The following GANAB variants were observed in gnomAD, a reference collection of about 807,000 sequenced individuals.
GANAB encodes neutral alpha-glucosidase AB.
In GANAB, 35 loss-of-function variants were observed where a neutral mutation model predicts 129.9. The ratio of observed to expected loss-of-function variants is 0.27; its 90% CI spans 0.21 to 0.36. The LOEUF is 0.36. GANAB is among the 10% of genes least tolerant of loss of function. The pLI, the probability that GANAB is intolerant of heterozygous loss-of-function variation, is 1.00. For missense variants in GANAB, 939 were observed against 1,221.0 expected (o/e 0.77, Z 3.44); for synonymous variants, 482 against 451.8 (o/e 1.07, Z -0.85).
At chr11:62,627,541 G>C (rs1056600741) in intron 17 of GANAB, among the ~76,000 whole-genome samples, 188 bp from the exon 18 acceptor site, 1 of 152,100 alleles carries the variant, frequency 6.6e-6, no homozygotes, top group Non-Finnish European at 1.5e-5. Flanking sequence ...AGATCAGCCT[G>C]AACAACATGG....
In GANAB at chr11:62,642,766, CTAA is replaced by C. The variant is rs570798680; in HGVS notation, c.39-3038_39-3036del. 3.0e-3 allele frequency among the ~76,000 whole-genome samples: 452 copies of C among 152,238 alleles called. 1 individual carries two copies. Among genetic ancestry groups the C allele is most frequent in the Non-Finnish European group, 4.6e-3 (316 of 68,008 alleles). Reference sequence around the variant, plus strand: ...TTTTTTTAAAGTTCCCTAAACAACTCTAATGAGCAACCTGGGTTCACAACCACT... The same window carrying C: ...TTTTTTTAAAGTTCCCTAAACAACTCTGAGCAACCTGGGTTCACAACCACT... On this transcript the variant is annotated intron_variant, in intron 1 of 23. Transcript: ENST00000356638.
chr11:62,633,808 G>A (rs1721771137), intron 5 of GANAB: 1 of 507,898 alleles, frequency 2.0e-6, no homozygotes, highest in Non-Finnish European at 3.5e-6. Flanking sequence ...CAGGGGCCTG[G>A]GTTATGAATG....
At chr11:62,640,725 C>T (rs112135367) in intron 1 of GANAB, among the ~76,000 whole-genome samples, 2 of 141,822 alleles carry the variant, frequency 1.4e-5, no homozygotes, top group African/African-American at 5.2e-5. Flanking sequence ...CCCAGCTACT[C>T]GGGAGGCTGA....
intron 9 of GANAB, among the ~76,000 whole-genome samples, chr11:62,631,698 T>A: frequency 6.6e-6 from 1 of 152,022 alleles, no homozygotes; most frequent in East Asian, 1.9e-4. Context: ...CTTGACCTTG[T>A]GATCTGTCCA....
intron 1 of GANAB, among the ~76,000 whole-genome samples, chr11:62,644,387 T>A (rs574585548): frequency 3.5e-4 from 53 of 151,746 alleles, no homozygotes; most frequent in African/African-American, 1.3e-3. Context: ...GTGGCTCACG[T>A]CTATAATCCT....
intron 4 of GANAB, among the ~76,000 whole-genome samples, chr11:62,635,465 C>A (rs1212583302): frequency 6.6e-6 from 1 of 151,846 alleles, no homozygotes; most frequent in African/African-American, 2.4e-5. Flanking sequence ...CAGGCGTGAG[C>A]CACTGTGCCT....
chr11:62,646,421 C>G, intron 1 of GANAB, 141 bp downstream of exon 1: 2 of 966,596 alleles, frequency 2.1e-6, no homozygotes, highest in Non-Finnish European at 3.2e-6. Context: ...CCGGAGGCGT[C>G]TGAGGCCGCC....
intron 1 of GANAB, 53 bp from the exon 2 acceptor site, chr11:62,639,784 C>T (rs1944141912): frequency 6.7e-6 from 8 of 1,195,762 alleles, no homozygotes; most frequent in Admixed American, 1.8e-5. Flanking sequence ...CAGAAGGGGC[C>T]CCCTTCAAAA....
rs772303237 is a variant in GANAB at position 62,630,482 on chromosome 11, G to A, written c.1410C>T (p.His470=). ...RRKLVAIVDP[H]IKVDSGYRVH... ...CTCGGTAGCCGGAGTCCACCTTGAT[G>A]TGGGGGTCTACGATGGCCACCAGCT... Residue 470 remains histidine, a synonymous_variant, in exon 12 of 24, where the codon CAC becomes CAT. Transcript: ENST00000356638. 14 of 1,614,088 alleles carry A rather than the reference G, an allele frequency of 8.7e-6. No individual in the cohort carries two copies. The highest frequency in any genetic ancestry group is 1.1e-5 in the Non-Finnish European group (13 of 1,180,038).
At chr11:62,631,764 TCTTG>T (rs910484198) in intron 9 of GANAB, among the ~76,000 whole-genome samples, 2 of 151,428 alleles carry the variant, frequency 1.3e-5, no homozygotes, top group African/African-American at 4.8e-5. Flanking sequence ...CCCGGCATCA[TCTTG>T]CTTATTATTT....
At position 62,625,614 on chromosome 11, in the gene GANAB, G is replaced by C; in HGVS notation, c.*201C>G. 1 of 590,992 alleles carries C rather than the reference G, an allele frequency of 1.7e-6. No homozygotes were observed. The highest frequency in any genetic ancestry group is 3.0e-6 in the Non-Finnish European group (1 of 330,404). The allele number at this position is 590,992 out of a possible 1,614,324, so 36.6% of individuals were successfully genotyped here. ...ATGAAGGGAAAGAGTTGGTATCAATGGAGTGGGAGAGGTGAGGAGATCACA... is the reference window on the plus strand; with the variant it reads ...ATGAAGGGAAAGAGTTGGTATCAATCGAGTGGGAGAGGTGAGGAGATCACA... On this transcript the variant is annotated 3_prime_UTR_variant, in exon 24 of 24. Coordinates refer to ENST00000356638, the MANE Select transcript of GANAB (RefSeq NM_198334.3).
chr11:62,633,796 T>G (rs1943805889), intron 5 of GANAB: 2 of 523,970 alleles, frequency 3.8e-6, no homozygotes, highest in Admixed American at 6.7e-5. Flanking sequence ...GGCAGAATGA[T>G]TCAGGGGCCT....
At chr11:62,630,303 ATC>A (rs1169729731) in intron 12 of GANAB, 27 bp from the exon 13 acceptor site, 2 of 1,612,188 alleles carry the variant, frequency 1.2e-6, no homozygotes, top group African/African-American at 2.7e-5. Flanking sequence ...GTGGCTCTCA[ATC>A]CCCTAAGGGG....
At position 62,628,225 on chromosome 11, in the gene GANAB, T is replaced by TC. The variant is rs1554971442; in HGVS notation, c.2180+543dup. Among the ~76,000 whole-genome samples, 77 of 124,582 alleles carry TC rather than the reference T, an allele frequency of 6.2e-4. 1 individual carries two copies. The highest frequency in any genetic ancestry group is 3.6e-3 in the South Asian group (13 of 3,624). The allele number at this position is 124,582 out of a possible 152,430, so 81.7% of individuals were successfully genotyped here. A position where few individuals can be genotyped will look rare whatever the true frequency, so the allele number is the denominator to read the frequency against. On this transcript the variant is annotated intron_variant, in intron 17 of 23. Transcript: ENST00000356638. ...CAAAACTTTTTTTTTTTTTTTTTTT[T>TC]CATTTTTTTGAGATGGAGTCTCCCT...
intron 1 of GANAB, among the ~76,000 whole-genome samples, chr11:62,644,007 C>T (rs1215503989): frequency 6.6e-6 from 1 of 152,180 alleles, no homozygotes; most frequent in Non-Finnish European, 1.5e-5. Context: ...TGCAATGGCA[C>T]GATCTTGGCT....
Position 62,629,309 on chromosome 11 carries a change from G to T in GANAB, c.1835-14C>A, listed in dbSNP as rs1481128831. On this transcript the variant is annotated splice_polypyrimidine_tract_variant and intron_variant, in intron 15 of 23. Transcript: ENST00000356638. ...TCCACACGGCTCCTGAGGAAGACAA[G>T]AAGTGGGGAGCTTGCACATGGTAAA... 3 of 1,556,976 alleles carry T rather than the reference G, an allele frequency of 1.9e-6. No individual in the cohort carries two copies. The Admixed American group carries it at 5.0e-5, about 26-fold the overall frequency.
rs1268165983 is a variant in GANAB, at chr11:62,639,422, C to A, written c.189G>T (p.Leu63Phe). The A allele has an allele frequency of 3.7e-6, 6 of 1,613,848 alleles. No individual in the cohort carries two copies. The highest frequency in any genetic ancestry group is 5.1e-6 in the Non-Finnish European group (6 of 1,179,896). ...CAGGACCAAGCTGTAGAGAGTCCAG[C>A]AAGGCTCGGTATGGAGAGAGGCCTG... Reference protein sequence around the residue: ...IRPGLSPYRALLDSLQLGPDS... With the variant: ...IRPGLSPYRAFLDSLQLGPDS... Residue 63 changes from leucine (L) to phenylalanine (F), a missense_variant, in exon 3 of 24, where the codon TTG becomes TTT. This residue lies in a region of GANAB where 321 missense variants were observed against 329.1 expected (regional missense o/e 0.98). Transcript: ENST00000356638.
rs577911993 is a variant in GANAB, at chr11:62,635,216, C to T, written c.381-216G>A. Reference sequence around the variant, plus strand: ...TTTTTTTTTTTGAGACGGAGTTTCACTCTTGTTGCCCAGGCTGGAGTGCAA... The same window carrying T: ...TTTTTTTTTTTGAGACGGAGTTTCATTCTTGTTGCCCAGGCTGGAGTGCAA... On this transcript the variant is annotated intron_variant, in intron 4 of 23. Transcript: ENST00000356638. 3.2e-3 allele frequency among the ~76,000 whole-genome samples: 488 copies of T among 151,394 alleles called. 3 individuals carry two copies. The highest frequency in any genetic ancestry group is 0.011 in the African/African-American group (455 of 41,126).
intron 10 of GANAB, 72 bp from the exon 11 acceptor site, chr11:62,630,908 G>C: frequency 6.7e-7 from 1 of 1,493,982 alleles, no homozygotes; most frequent in Non-Finnish European, 9.2e-7. Flanking sequence ...GGAGGCTTGT[G>C]AACTAGAGGC....
Sources: gnomAD v4.1 joint callset for allele counts (sites outside exome capture counted in the v4.1 genomes callset) on GRCh38, gnomAD v4.1.1 for gene constraint, gnomAD v4.1.1 regional missense constraint, MANE v1.5 for transcripts, NCBI Gene and HGNC (gene_info 2026-07-23, HGNC 2026-07-21) for gene names.